PDCD4: variants seen among roughly 807,000 people sequenced by gnomAD.
The protein encoded by PDCD4 is programmed cell death protein 4.
In PDCD4, 56 loss-of-function variants were observed where a neutral mutation model predicts 54.0. That is an observed-to-expected ratio of 1.04 (90% CI 0.84 to 1.30). PDCD4 has a LOEUF of 1.30. Among genes scored for constraint, PDCD4 ranks in the 50% most tolerant of loss-of-function variants. The pLI, the probability that PDCD4 is intolerant of heterozygous loss-of-function variation, is 0.00. For synonymous variants in PDCD4, 186 were observed against 194.8 expected (o/e 0.95, Z 0.37); for missense variants, 584 against 559.8 (o/e 1.04, Z -0.44).
chr10:110,887,926 C>T (rs779116962), intron 6 of PDCD4, 40 bp downstream of exon 6: 4 of 1,298,858 alleles, frequency 3.1e-6, no homozygotes, highest in Non-Finnish European at 4.4e-6. Flanking sequence ...CCTCCCACTA[C>T]TATATTCCTA....
chr10:110,894,537 G>A lies in PDCD4; in HGVS notation c.1209+15G>A, dbSNP rs1372994572. ...AAATGAAAAGAGTAAGTATAACATT[G>A]TTTTTGAACAACTTGTAGGATTATG... is the stretch of plus-strand genomic sequence containing the variant. On this transcript the variant is annotated intron_variant, in intron 10 of 11. Coordinates refer to ENST00000280154, the MANE Select transcript of PDCD4 (RefSeq NM_014456.5). 1 of 1,054,690 alleles carries A rather than the reference G, an allele frequency of 9.5e-7. No homozygotes were observed. The highest frequency in any genetic ancestry group is 1.3e-5 in the South Asian group (1 of 76,000). 65.3% of individuals were successfully genotyped at this position (1,054,690 alleles called of 1,614,324 possible).
chr10:110,891,036 A>G (rs958756002), intron 8 of PDCD4, among the ~76,000 whole-genome samples: 1 of 152,212 alleles, frequency 6.6e-6, no homozygotes. Context: ...ATTTAAAACT[A>G]GATAGTCTTA....
Position 110,898,044 on chromosome 10 carries a change from G to A in PDCD4, c.1366G>A (p.Val456Ile). 6.3e-7 allele frequency: 1 copy of A among 1,588,662 alleles called. No homozygotes were observed. The highest frequency in any genetic ancestry group is 1.4e-5 in the African/African-American group (1 of 74,022). ...TCATTACAGGGGCAGAAAGCGTTTTGTAAGCGAAGGAGATGGAGGTCGTCT... is the reference window on the plus strand; with the variant it reads ...TCATTACAGGGGCAGAAAGCGTTTTATAAGCGAAGGAGATGGAGGTCGTCT... ...LCPSRGRKRF[V>I]SEGDGGRLKP... The change falls in exon 12 of 12, where the codon GTA (valine) becomes ATA (isoleucine). Residue 456 changes from valine (V) to isoleucine (I), a missense_variant. Transcript: ENST00000280154.
chr10:110,894,540 T>G lies in PDCD4; in HGVS notation c.1209+18T>G. 1 of 1,015,176 alleles carries G rather than the reference T, an allele frequency of 9.9e-7. No homozygotes were observed. Among genetic ancestry groups the G allele is most frequent in the Non-Finnish European group, 1.5e-6 (1 of 651,780 alleles). The allele number at this position is 1,015,176 out of a possible 1,614,324, so 62.9% of individuals were successfully genotyped here. On this transcript the variant is annotated intron_variant, in intron 10 of 11. Transcript: ENST00000280154. Reference sequence around the variant, plus strand: ...TGAAAAGAGTAAGTATAACATTGTTTTTGAACAACTTGTAGGATTATGTCT... The same window carrying G: ...TGAAAAGAGTAAGTATAACATTGTTGTTGAACAACTTGTAGGATTATGTCT...
At chr10:110,886,872 GTTGT>G (rs927904140) in intron 5 of PDCD4, among the ~76,000 whole-genome samples, 1 of 151,982 alleles carries the variant, frequency 6.6e-6, no homozygotes, top group African/African-American at 2.4e-5. Context: ...TTTAAAAACA[GTTGT>G]TTAAGATCTC....
chr10:110,898,247 G>C lies in PDCD4; in HGVS notation c.*159G>C, dbSNP rs749268636. The C allele has an allele frequency of 4.1e-5, 17 of 412,960 alleles. No homozygotes were observed. Among genetic ancestry groups the C allele is most frequent in the Non-Finnish European group, 6.7e-5 (16 of 237,724 alleles). The allele number at this position is 412,960 out of a possible 1,614,324, so 25.6% of individuals were successfully genotyped here. A position where few individuals can be genotyped will look rare whatever the true frequency, so the allele number is the denominator to read the frequency against. ...CCTACATTTAAGGGGAATTTTTAAA[G>C]GAAATGTTTTTTCTTTTTTTTTTGT... On this transcript the variant is annotated 3_prime_UTR_variant, in exon 12 of 12. Coordinates refer to ENST00000280154, the MANE Select transcript of PDCD4 (RefSeq NM_014456.5).
intron 11 of PDCD4, 56 bp downstream of exon 11, chr10:110,896,143 A>G (rs950465149): frequency 5.3e-6 from 7 of 1,320,142 alleles, no homozygotes; most frequent in Non-Finnish European, 7.4e-6. Context: ...GATCTTTGGG[A>G]AGGTTAACTG....
intron 2 of PDCD4, 58 bp downstream of exon 2, chr10:110,876,128 GTCACCCAGGCT>G: frequency 7.0e-7 from 1 of 1,435,850 alleles, no homozygotes; most frequent in Non-Finnish European, 9.7e-7. Flanking sequence ...ATCTTGCTCT[GTCACCCAGGCT>G]GGAGTGCAGT....
At chr10:110,895,591 A>C (rs1845819251) in intron 10 of PDCD4, among the ~76,000 whole-genome samples, 1 of 152,160 alleles carries the variant, frequency 6.6e-6, no homozygotes, top group South Asian at 2.1e-4. Flanking sequence ...TTGGGTATAC[A>C]CCCAGTAATG....
intron 2 of PDCD4, among the ~76,000 whole-genome samples, chr10:110,879,885 C>T (rs893724237): frequency 2.0e-5 from 3 of 152,228 alleles, no homozygotes; most frequent in East Asian, 1.9e-4. Flanking sequence ...AAGATTTAAA[C>T]ACATGTATGC....
intron 7 of PDCD4, among the ~76,000 whole-genome samples, chr10:110,889,898 A>C (rs1295025449): frequency 6.6e-6 from 1 of 152,204 alleles, no homozygotes; most frequent in Non-Finnish European, 1.5e-5. Flanking sequence ...TTATTTATGA[A>C]ACAAAACCAT....
intron 2 of PDCD4, among the ~76,000 whole-genome samples, chr10:110,878,957 C>T (rs530863468): frequency 6.6e-6 from 1 of 152,290 alleles, no homozygotes; most frequent in Admixed American, 6.5e-5. Flanking sequence ...ACTATAATTA[C>T]TACTGATGGT....
chr10:110,885,387 A>T, intron 5 of PDCD4, 21 bp downstream of exon 5: 1 of 1,109,228 alleles, frequency 9.0e-7, no homozygotes, highest in Middle Eastern at 2.0e-4. Flanking sequence ...AGTTGCAAGT[A>T]TAATTTATTT....
rs1364523674 is a variant in PDCD4 at position 110,881,217 on chromosome 10, C to T, written c.44-16C>T. 2.9e-5 allele frequency: 46 copies of T among 1,582,156 alleles called. No homozygotes were observed. In the Admixed American group the frequency reaches 4.4e-4, roughly 15 times the overall value. On this transcript the variant is annotated splice_polypyrimidine_tract_variant and intron_variant, in intron 2 of 11. Transcript: ENST00000280154. ...TTAAAATACTTAGAATTTTTTTCTT[C>T]ATTTTTCTCTTTAAGATCCTGATAA...
rs976310040 is a variant in PDCD4 at position 110,881,546 on chromosome 10, A to G, written c.346+11A>G. The G allele has an allele frequency of 6.3e-6, 10 of 1,580,410 alleles. No individual in the cohort carries two copies. The highest frequency in any genetic ancestry group is 8.6e-6 in the Non-Finnish European group (10 of 1,160,828). ...GACTACCAAAGAAAGGTTGGTATAT[A>G]TCATGTCCAACAAATGGAAGATAAA... On this transcript the variant is annotated intron_variant, in intron 3 of 11. Transcript: ENST00000280154.
intron 5 of PDCD4, among the ~76,000 whole-genome samples, chr10:110,886,090 C>G (rs1176684105): frequency 6.6e-6 from 1 of 152,110 alleles, no homozygotes; most frequent in African/African-American, 2.4e-5. Context: ...TTGTTCAGTG[C>G]ATACCATCTG....
chr10:110,884,745 TTATTG>T (rs1162403951), intron 4 of PDCD4: 3 of 152,156 alleles, frequency 2.0e-5, no homozygotes, highest in African/African-American at 7.2e-5. Context: ...ATATATTGGC[TTATTG>T]TATTCTGATT....
chr10:110,898,423 G>GT lies in PDCD4; in HGVS notation c.*341dup, dbSNP rs368483051. On this transcript the variant is annotated 3_prime_UTR_variant, in exon 12 of 12. Transcript: ENST00000280154. ...GCCACTCCTTTCTTTCAAGGACAGT[G>GT]TTTTTTGTAGTAAAATCACTGGTTT... 7.1e-4 allele frequency: 128 copies of GT among 179,860 alleles called. 1 individual carries two copies. Among genetic ancestry groups the GT allele is most frequent in the African/African-American group, 2.6e-3 (113 of 42,656 alleles). The allele number at this position is 179,860 out of a possible 1,614,324, so 11.1% of individuals were successfully genotyped here. A position where few individuals can be genotyped will look rare whatever the true frequency, so the allele number is the denominator to read the frequency against.
intron 2 of PDCD4, among the ~76,000 whole-genome samples, chr10:110,876,503 C>T (rs1001537610): frequency 2.6e-5 from 4 of 152,028 alleles, no homozygotes; most frequent in African/African-American, 9.7e-5. Flanking sequence ...TCTGCCTATC[C>T]TTTCACATTC....
Sources: gnomAD v4.1 joint callset for allele counts (sites outside exome capture counted in the v4.1 genomes callset) on GRCh38, gnomAD v4.1.1 for gene constraint, MANE v1.5 for transcripts, NCBI Gene and HGNC (gene_info 2026-07-23, HGNC 2026-07-21) for gene names.